The following FRS2 variants were observed in gnomAD, a reference collection of about 807,000 sequenced individuals.
The protein encoded by FRS2 is FGFR signalling adaptor.
In FRS2, 8 loss-of-function variants were observed where a neutral mutation model predicts 43.9. The ratio of observed to expected loss-of-function variants is 0.18; its 90% CI spans 0.11 to 0.33. FRS2 has a LOEUF of 0.33. Among genes scored for constraint, FRS2 ranks in the 10% least tolerant of loss-of-function variants. FRS2 has a pLI of 1.00. For missense variants in FRS2, 534 were observed against 627.6 expected, an observed-to-expected ratio of 0.85 and a Z score of 1.59; for synonymous variants, 219 against 220.3, an observed-to-expected ratio of 0.99 and a Z score of 0.05.
intron 1 of FRS2, among the ~76,000 whole-genome samples, chr12:69,502,922 C>G (rs1037830361): frequency 3.9e-5 from 6 of 152,184 alleles, no homozygotes; most frequent in Non-Finnish European, 7.3e-5. Context: ...CCTTTCCCTC[C>G]AAGGAGTCCC....
chr12:69,572,004 C>T, intron 7 of FRS2, 114 bp from the exon 8 acceptor site: 1 of 657,202 alleles, frequency 1.5e-6, no homozygotes, highest in Non-Finnish European at 2.6e-6. Context: ...GCTCTGATTT[C>T]TGCTGTCTTG....
chr12:69,520,900 C>CT (rs909077194), intron 1 of FRS2, among the ~76,000 whole-genome samples: 2 of 151,698 alleles, frequency 1.3e-5, no homozygotes, highest in South Asian at 2.1e-4. Context: ...GATATTTGGG[C>CT]TTTTTTTGTG....
chr12:69,527,342 GA>G (rs1374485231), intron 1 of FRS2, among the ~76,000 whole-genome samples: 2 of 33,150 alleles, frequency 6.0e-5, no homozygotes. Context: ...TTTTTTTAAT[GA>G]TTTTTTTTTT....
At position 69,577,540 on chromosome 12, in the gene FRS2, C is replaced by T. The variant is rs1388347511; in HGVS notation, c.*2585C>T. ...ATTTTAGATAATTCTGTTGGTAGAC[C>T]ATGTGATCCTTCTTTTTGGTTTTGG... On this transcript the variant is annotated 3_prime_UTR_variant, in exon 9 of 9. Transcript: ENST00000549921. The T allele has an allele frequency of 1.3e-5, 2 of 152,490 alleles. No homozygotes were observed. Among genetic ancestry groups the T allele is most frequent in the Non-Finnish European group, 2.9e-5 (2 of 67,976 alleles). The allele number at this position is 152,490 out of a possible 1,614,324, so 9.4% of individuals were successfully genotyped here.
At position 69,515,719 on chromosome 12, in the gene FRS2, T is replaced by TG. The variant is rs1216100734; in HGVS notation, c.-260-15145dup. Among the ~76,000 whole-genome samples the TG allele has an allele frequency of 2.6e-5, 4 of 151,388 alleles. No individual in the cohort carries two copies. The South Asian group carries it at 8.3e-4, about 32-fold the overall frequency. ...TCTTTTGTTCCCTCTAATGGTGGGTTGAAAAACAATTAAAATTTTCCCTTT... is the reference window on the plus strand; with the variant it reads ...TCTTTTGTTCCCTCTAATGGTGGGTTGGAAAAACAATTAAAATTTTCCCTTT... On this transcript the variant is annotated intron_variant, in intron 1 of 8. Coordinates refer to ENST00000549921, the MANE Select transcript of FRS2 (RefSeq NM_001278356.2).
At position 69,527,343 on chromosome 12, in the gene FRS2, A is replaced by ATTTTTTTTTTTTTTTT. The variant is rs1166365306; in HGVS notation, c.-260-3516_-260-3501dup. Among the ~76,000 whole-genome samples the ATTTTTTTTTTTTTTTT allele has an allele frequency of 1.3e-4, 11 of 84,234 alleles. 3 individuals are homozygous for ATTTTTTTTTTTTTTTT. Among genetic ancestry groups the ATTTTTTTTTTTTTTTT allele is most frequent in the South Asian group, 1.1e-3 (2 of 1,830 alleles). 55.3% of individuals were successfully genotyped at this position (84,234 alleles called of 152,430 possible). ...GAGCAAAGTTTTTTTTTTTTTAATG[A>ATTTTTTTTTTTTTTTT]TTTTTTTTTTTTTTTTTTTTTAAAG... On this transcript the variant is annotated intron_variant, in intron 1 of 8. Coordinates refer to ENST00000549921, the MANE Select transcript of FRS2 (RefSeq NM_001278356.2).
intron 3 of FRS2, among the ~76,000 whole-genome samples, chr12:69,552,404 C>T (rs1439729306): frequency 6.6e-6 from 1 of 151,246 alleles, no homozygotes; most frequent in Non-Finnish European, 1.5e-5. Flanking sequence ...GTACAGTGAC[C>T]ACCATACCTG....
intron 3 of FRS2, among the ~76,000 whole-genome samples, chr12:69,543,770 T>C (rs1026723595): frequency 1.3e-5 from 2 of 152,076 alleles, no homozygotes; most frequent in Admixed American, 6.6e-5. Flanking sequence ...GGACCTGAGA[T>C]AGGAACATAA....
intron 1 of FRS2, among the ~76,000 whole-genome samples, chr12:69,489,544 C>A (rs1355300439): frequency 2.0e-5 from 3 of 151,940 alleles, no homozygotes; most frequent in African/African-American, 7.3e-5. Context: ...GTGGCGCATG[C>A]CTGTAGTCCC....
intron 1 of FRS2, among the ~76,000 whole-genome samples, chr12:69,505,422 G>A (rs1453196345): frequency 2.0e-5 from 3 of 152,128 alleles, no homozygotes; most frequent in Non-Finnish European, 4.4e-5. Flanking sequence ...TAGCAATAGG[G>A]TAAATAAGCA....
chr12:69,488,599 T>C (rs1872172615), intron 1 of FRS2, among the ~76,000 whole-genome samples: 1 of 152,206 alleles, frequency 6.6e-6, no homozygotes, highest in Admixed American at 6.5e-5. Flanking sequence ...GCAATATCTT[T>C]GAGGTATGCT....
chr12:69,522,687 G>T (rs1344325244), intron 1 of FRS2, among the ~76,000 whole-genome samples: 2 of 151,958 alleles, frequency 1.3e-5, no homozygotes, highest in Non-Finnish European at 2.9e-5. Context: ...TGTAATTTTA[G>T]GTTGTTTATT....
At chr12:69,546,751 A>G (rs1254191768) in intron 3 of FRS2, among the ~76,000 whole-genome samples, 1 of 152,138 alleles carries the variant, frequency 6.6e-6, no homozygotes, top group Admixed American at 6.6e-5. Flanking sequence ...GACGTGGAAA[A>G]ATTGGAAACC....
At chr12:69,477,490 G>C (rs1209936572) in intron 1 of FRS2, among the ~76,000 whole-genome samples, 1 of 151,040 alleles carries the variant, frequency 6.6e-6, no homozygotes, top group Non-Finnish European at 1.5e-5. Flanking sequence ...CACCGTGTTA[G>C]CCAAGATGGT....
chr12:69,528,478 C>G (rs1327001034), intron 1 of FRS2, among the ~76,000 whole-genome samples: 5 of 152,132 alleles, frequency 3.3e-5, no homozygotes, highest in African/African-American at 7.2e-5. Context: ...TGATGGGACT[C>G]TTTTAATTCA....
In FRS2 at chr12:69,547,992, G is replaced by A. The variant is rs577107278; in HGVS notation, c.-121-14188G>A. Reference sequence around the variant, plus strand: ...TAAATAAGTAGCTAGGACTACAGGTGCATACCACCACATCTGGCTAAGTTT... The same window carrying A: ...TAAATAAGTAGCTAGGACTACAGGTACATACCACCACATCTGGCTAAGTTT... On this transcript the variant is annotated intron_variant, in intron 3 of 8. Transcript: ENST00000549921. Among the ~76,000 whole-genome samples, 8 of 151,898 alleles carry A rather than the reference G, an allele frequency of 5.3e-5. No individual in the cohort carries two copies. In the South Asian group the frequency reaches 1.7e-3, roughly 32 times the overall value.
In FRS2 at chr12:69,483,668, C is replaced by T. The variant is rs560411825; in HGVS notation, c.-261+13138C>T. Among the ~76,000 whole-genome samples, 3 of 151,952 alleles carry T rather than the reference C, an allele frequency of 2.0e-5. No individual in the cohort carries two copies. The South Asian group carries it at 6.2e-4, about 32-fold the overall frequency. ...CACCATCCATCATATTTAGTTGTTGCTATCATAAGAAATGTTGCAAAATAT... is the reference window on the plus strand; with the variant it reads ...CACCATCCATCATATTTAGTTGTTGTTATCATAAGAAATGTTGCAAAATAT... On this transcript the variant is annotated intron_variant, in intron 1 of 8. Coordinates refer to ENST00000549921, the MANE Select transcript of FRS2 (RefSeq NM_001278356.2).
At position 69,579,301 on chromosome 12, in the gene FRS2, A is replaced by G. The variant is rs1212622646; in HGVS notation, c.*4346A>G. 6.6e-6 allele frequency: 1 copy of G among 152,624 alleles called. No individual in the cohort carries two copies. The highest frequency in any genetic ancestry group is 1.9e-4 in the East Asian group (1 of 5,198). 9.5% of individuals were successfully genotyped at this position (152,624 alleles called of 1,614,324 possible). On this transcript the variant is annotated 3_prime_UTR_variant, in exon 9 of 9. Transcript: ENST00000549921. ...CATCAGGCATGAAAAGTTTTCTCAT[A>G]TATGATGTAAACTTGCTTTTAAGGA...
In FRS2 at chr12:69,575,005, A is replaced by T; in HGVS notation, c.*50A>T. 1 of 1,185,430 alleles carries T rather than the reference A, an allele frequency of 8.4e-7. No individual in the cohort carries two copies. The highest frequency in any genetic ancestry group is 1.2e-6 in the Non-Finnish European group (1 of 813,464). 73.4% of individuals were successfully genotyped at this position (1,185,430 alleles called of 1,614,324 possible). A position where few individuals can be genotyped will look rare whatever the true frequency, so the allele number is the denominator to read the frequency against. On this transcript the variant is annotated 3_prime_UTR_variant, in exon 9 of 9. Coordinates refer to ENST00000549921, the MANE Select transcript of FRS2 (RefSeq NM_001278356.2). Reference sequence around the variant, plus strand: ...CACCTTTGTGAAGTTTTTAAAAATGAAGATGCAAGTGCTTCATTTTCATTT... The same window carrying T: ...CACCTTTGTGAAGTTTTTAAAAATGTAGATGCAAGTGCTTCATTTTCATTT...
Sources: allele counts gnomAD v4.1 joint callset (sites outside exome capture counted in the v4.1 genomes callset), GRCh38; gene constraint gnomAD v4.1.1; transcripts MANE v1.5; gene names NCBI Gene and HGNC (gene_info 2026-07-23, HGNC 2026-07-21).